Variants in KCNMA1 observed in about 807,000 individuals in gnomAD.
The protein encoded by KCNMA1 is potassium calcium-activated channel subfamily M alpha 1, also known as Calcium-activated potassium channel subunit alpha-1.
A neutral mutation model predicts 140.0 loss-of-function variants in KCNMA1; 29 were observed. The observed-to-expected ratio is 0.21, with a 90% confidence interval of 0.15 to 0.28. The LOEUF (loss-of-function observed/expected upper bound fraction) is 0.28. Ranked by LOEUF, KCNMA1 falls within the 10% of genes least tolerant of loss-of-function variation. The pLI is 1.00. For synonymous variants in KCNMA1, 612 were observed against 611.9 expected, an observed-to-expected ratio of 1.00 and a Z score of 0.00; for missense variants, 880 against 1,602.2, an observed-to-expected ratio of 0.55 and a Z score of 7.70.
chr10:77,479,169 T>C (rs1055189301), intron 1 of KCNMA1, among the ~76,000 whole-genome samples: 8 of 152,124 alleles, frequency 5.3e-5, no homozygotes, highest in African/African-American at 1.4e-4. Context: ...TATTAAGAAA[T>C]AGAAAAGAAT....
chr10:76,871,225 TC>T (rs1245257520), exon 28 of KCNMA1: 1 of 152,806 alleles, frequency 6.5e-6, no homozygotes, highest in Non-Finnish European at 1.5e-5. Flanking sequence ...TGTGTGGCCT[TC>T]CCTCACGGAC....
intron 9 of KCNMA1, among the ~76,000 whole-genome samples, chr10:77,105,890 G>A (rs891485911): frequency 1.3e-5 from 2 of 152,110 alleles, no homozygotes; most frequent in Non-Finnish European, 2.9e-5. Flanking sequence ...TATCCCAAGC[G>A]AAAGAAAACT....
intron 1 of KCNMA1, among the ~76,000 whole-genome samples, chr10:77,613,200 A>C (rs924440059): frequency 6.6e-6 from 1 of 152,206 alleles, no homozygotes; most frequent in African/African-American, 2.4e-5. Context: ...TGGCCAGCTC[A>C]GAATGTGATA....
intron 1 of KCNMA1, among the ~76,000 whole-genome samples, chr10:77,570,061 G>A (rs2070336548): frequency 6.6e-6 from 1 of 151,528 alleles, no homozygotes; most frequent in Non-Finnish European, 1.5e-5. Context: ...CAGTTCGAAT[G>A]GCAATCATTA....
chr10:77,442,347 C>G (rs921430050), intron 1 of KCNMA1, among the ~76,000 whole-genome samples: 2 of 151,958 alleles, frequency 1.3e-5, no homozygotes, highest in African/African-American at 4.8e-5. Context: ...CCCTTGCCAC[C>G]TAGACCCCCG....
intron 2 of KCNMA1, among the ~76,000 whole-genome samples, chr10:77,352,140 G>A (rs141732040): frequency 1.3e-5 from 2 of 152,344 alleles, no homozygotes; most frequent in Non-Finnish European, 2.9e-5. Flanking sequence ...TGCTGTCCGC[G>A]TGCAGGGTTC....
In KCNMA1 at chr10:76,949,280, G is replaced by A; in HGVS notation, c.2571C>T (p.Leu857=). The change falls in exon 22 of 28, where the codon CTC becomes CTT. Residue 857 remains leucine, a synonymous_variant. Transcript: ENST00000286628. ...FGDVSSALIG[L]RNLVMPLRAS... is the part of the protein sequence containing the mutation. ...CACGGAGCGGCATCACCAGGTTCCG[G>A]AGGCCGATCAGGGCTGAGCTGACGT... 1 of 1,614,122 alleles carries A rather than the reference G, an allele frequency of 6.2e-7. No homozygotes were observed. The highest frequency in any genetic ancestry group is 8.5e-7 in the Non-Finnish European group (1 of 1,180,030).
At chr10:77,504,412 C>T (rs2045066887) in intron 1 of KCNMA1, among the ~76,000 whole-genome samples, 1 of 152,088 alleles carries the variant, frequency 6.6e-6, no homozygotes, top group African/African-American at 2.4e-5. Flanking sequence ...GATGGGGAAC[C>T]GAGCAACCGA....
chr10:76,901,505 C>G (rs1267243529), intron 25 of KCNMA1: 2 of 152,014 alleles, frequency 1.3e-5, no homozygotes, highest in Non-Finnish European at 2.9e-5. Flanking sequence ...GGGATTTGAC[C>G]CTAACATGTT....
At chr10:77,027,461 A>G (rs959415960) in intron 16 of KCNMA1, among the ~76,000 whole-genome samples, 4 of 152,200 alleles carry the variant, frequency 2.6e-5, no homozygotes, top group African/African-American at 7.2e-5. Flanking sequence ...AAAGGAGGCC[A>G]GAGTCCACCT....
intron 19 of KCNMA1, among the ~76,000 whole-genome samples, chr10:76,990,190 G>T (rs933741330): frequency 2.0e-5 from 3 of 152,160 alleles, no homozygotes; most frequent in Non-Finnish European, 4.4e-5. Context: ...TGATGTTGGT[G>T]CCTTGAGAAG....
intron 2 of KCNMA1, among the ~76,000 whole-genome samples, chr10:77,352,548 A>G (rs904284783): frequency 6.6e-6 from 1 of 152,182 alleles, no homozygotes; most frequent in African/African-American, 2.4e-5. Flanking sequence ...TTAAACTTAA[A>G]CAACCACTCG....
intron 1 of KCNMA1, among the ~76,000 whole-genome samples, chr10:77,428,632 T>C (rs375150276): frequency 5.9e-5 from 9 of 152,236 alleles, no homozygotes; most frequent in Admixed American, 2.0e-4. Flanking sequence ...CATAATTGCA[T>C]TGGTCCCATG....
chr10:77,431,850 G>A (rs534012727), intron 1 of KCNMA1, among the ~76,000 whole-genome samples: 7 of 152,190 alleles, frequency 4.6e-5, no homozygotes, highest in South Asian at 2.1e-4. Flanking sequence ...AAAATTAGCC[G>A]GGTGTGGTGG....
intron 1 of KCNMA1, among the ~76,000 whole-genome samples, chr10:77,632,677 T>C (rs983833618): frequency 6.6e-6 from 1 of 152,246 alleles, no homozygotes; most frequent in South Asian, 2.1e-4. Context: ...ATCTAAAGCC[T>C]CCTTTTGGCT....
At chr10:77,120,265 G>A (rs1239536529) in intron 6 of KCNMA1, among the ~76,000 whole-genome samples, 1 of 152,118 alleles carries the variant, frequency 6.6e-6, no homozygotes, top group Non-Finnish European at 1.5e-5. Context: ...CTTGGTTTCA[G>A]GCCAGCTCTG....
chr10:77,190,529 G>A (rs1448048987), intron 3 of KCNMA1, among the ~76,000 whole-genome samples: 2 of 152,148 alleles, frequency 1.3e-5, no homozygotes. Context: ...CATAGTGTCT[G>A]CTATCTACAG....
chr10:77,393,048 T>G (rs1325483950), intron 2 of KCNMA1, among the ~76,000 whole-genome samples: 1 of 152,144 alleles, frequency 6.6e-6, no homozygotes, highest in Non-Finnish European at 1.5e-5. Context: ...CTATATGAAG[T>G]GAGAATTTCC....
chr10:77,017,939 A>G (rs57858831), intron 17 of KCNMA1, among the ~76,000 whole-genome samples: 2,139 of 152,280 alleles, frequency 0.014, 61 homozygotes, highest in African/African-American at 0.049. Context: ...GGGGTGTAAT[A>G]AACCCTCCTC....
Sources: allele counts gnomAD v4.1 joint callset (sites outside exome capture counted in the v4.1 genomes callset), GRCh38; gene constraint gnomAD v4.1.1; transcripts MANE v1.5; gene names NCBI Gene and HGNC (gene_info 2026-07-23, HGNC 2026-07-21).